UST: variants seen among roughly 807,000 people sequenced by gnomAD.
The protein encoded by UST is chondroitin sulfate 2-O-sulfotransferase.
A neutral mutation model predicts 45.6 loss-of-function variants in UST; 21 were observed. The observed-to-expected ratio is 0.46, with a 90% CI of 0.33 to 0.66. The LOEUF is 0.66. UST is among the 30% of genes least tolerant of loss of function. The pLI is 0.02. For synonymous variants in UST, 215 were observed against 200.6 expected (o/e 1.07, Z -0.61); for missense variants, 463 against 512.4 (o/e 0.90, Z 0.93).
intron 2 of UST, among the ~76,000 whole-genome samples, chr6:148,893,105 A>G (rs1779051236): frequency 6.6e-6 from 1 of 152,240 alleles, no homozygotes. Flanking sequence ...GGATGCTAAT[A>G]GTATATTGAG....
intron 1 of UST, among the ~76,000 whole-genome samples, chr6:148,784,048 C>A (rs192433848): frequency 1.4e-3 from 210 of 152,206 alleles, no homozygotes; most frequent in Non-Finnish European, 2.5e-3. Context: ...CTGTAATTTA[C>A]GGCATATCAC....
chr6:149,050,431 G>A lies in UST; in HGVS notation c.938-23402G>A, dbSNP rs367873981. 1.6e-4 allele frequency among the ~76,000 whole-genome samples: 24 copies of A among 152,292 alleles called. 1 individual carries two copies. The highest frequency in any genetic ancestry group is 2.8e-4 in the Non-Finnish European group (19 of 68,036). Reference sequence around the variant, plus strand: ...TGGCACCTAATAAAGTCTTCATGCTGTGATATCTTGAAGCCATTGATTTAT... The same window carrying A: ...TGGCACCTAATAAAGTCTTCATGCTATGATATCTTGAAGCCATTGATTTAT... On this transcript the variant is annotated intron_variant, in intron 7 of 7. Transcript: ENST00000367463.
At chr6:148,820,452 A>C (rs1294238517) in intron 1 of UST, among the ~76,000 whole-genome samples, 18 of 152,196 alleles carry the variant, frequency 1.2e-4, no homozygotes, top group Admixed American at 1.2e-3. Context: ...GTTTTCTAAA[A>C]GATTCAGAAT....
chr6:149,042,268 C>G (rs906109697), intron 7 of UST, among the ~76,000 whole-genome samples: 1 of 152,026 alleles, frequency 6.6e-6, no homozygotes, highest in Non-Finnish European at 1.5e-5. Context: ...TTTTAAAGAG[C>G]TTTTTTTGTA....
intron 7 of UST, among the ~76,000 whole-genome samples, chr6:149,060,094 C>T (rs547331320): frequency 7.4e-4 from 112 of 152,298 alleles, no homozygotes; most frequent in African/African-American, 2.5e-3. Flanking sequence ...AGGAACCTAG[C>T]GGTTTCTGCA....
intron 2 of UST, among the ~76,000 whole-genome samples, chr6:148,918,357 C>T (rs1338875305): frequency 2.0e-5 from 3 of 152,170 alleles, no homozygotes; most frequent in African/African-American, 4.8e-5. Flanking sequence ...CAAAATTAAT[C>T]GCTTTTCCCC....
chr6:149,023,739 T>C (rs1369589863), intron 7 of UST, among the ~76,000 whole-genome samples: 1 of 152,086 alleles, frequency 6.6e-6, no homozygotes, highest in Non-Finnish European at 1.5e-5. Flanking sequence ...TATTTTTATC[T>C]TCATGCTTTT....
At chr6:148,876,963 T>TGTGTGGGGGATCATGTATGA (rs1582870178) in intron 1 of UST, among the ~76,000 whole-genome samples, 4 of 92,182 alleles carry the variant, frequency 4.3e-5, no homozygotes, top group South Asian at 4.3e-4. Context: ...GCCCATGAAG[T>TGTGTGGGGGATCATGTATGA]GTGTGGGGGA....
intron 3 of UST, among the ~76,000 whole-genome samples, chr6:148,948,533 ATC>A (rs1487163074): frequency 6.6e-6 from 1 of 152,152 alleles, no homozygotes; most frequent in Non-Finnish European, 1.5e-5. Flanking sequence ...TCTTTTAGGT[ATC>A]TTTCATTACA....
intron 5 of UST, among the ~76,000 whole-genome samples, chr6:148,967,116 G>T (rs1253908304): frequency 1.3e-5 from 2 of 152,232 alleles, no homozygotes; most frequent in East Asian, 3.9e-4. Context: ...TTGAAGAGCT[G>T]GTAACTGCCT....
In UST at chr6:148,747,764, T is replaced by C. The variant is rs1047505061; in HGVS notation, c.247+87T>C. ...GGGTCGCGGCGGGGACTTCTCGCGC[T>C]GCCACCGCGCGCCGCCGCCGCCCCG... On this transcript the variant is annotated intron_variant, in intron 1 of 7. Coordinates refer to ENST00000367463, the MANE Select transcript of UST (RefSeq NM_005715.3). 3.8e-5 allele frequency: 54 copies of C among 1,429,216 alleles called. No individual in the cohort carries two copies. In the Admixed American group the frequency reaches 1.4e-3, roughly 38 times the overall value. The allele number at this position is 1,429,216 out of a possible 1,614,324, so 88.5% of individuals were successfully genotyped here.
intron 1 of UST, among the ~76,000 whole-genome samples, chr6:148,861,506 G>C (rs901540038): frequency 6.6e-6 from 1 of 152,076 alleles, no homozygotes; most frequent in Non-Finnish European, 1.5e-5. Flanking sequence ...CTTCGGTTCT[G>C]TTCTGATCTT....
chr6:149,005,194 C>A, intron 5 of UST: 1 of 604,008 alleles, frequency 1.7e-6, no homozygotes, highest in Non-Finnish European at 2.1e-6. Context: ...TTGGGTAGGG[C>A]AGGAGGTCTT....
intron 1 of UST, among the ~76,000 whole-genome samples, chr6:148,779,129 A>T (rs542518552): frequency 3.1e-4 from 46 of 146,236 alleles, no homozygotes; most frequent in African/African-American, 1.0e-3. Context: ...TTTTTTTTTC[A>T]ACCAGAAAGT....
At chr6:149,064,684 C>G (rs1213458756) in intron 7 of UST, among the ~76,000 whole-genome samples, 1 of 152,110 alleles carries the variant, frequency 6.6e-6, no homozygotes, top group African/African-American at 2.4e-5. Context: ...AAAGCAGAAG[C>G]ATAAAACTCG....
chr6:149,065,392 C>T (rs543711583), intron 7 of UST, among the ~76,000 whole-genome samples: 5 of 152,210 alleles, frequency 3.3e-5, no homozygotes, highest in African/African-American at 1.2e-4. Flanking sequence ...TCCATAGCAC[C>T]GATTATCGTA....
chr6:148,878,997 A>G (rs1778775463), intron 1 of UST, among the ~76,000 whole-genome samples: 1 of 152,098 alleles, frequency 6.6e-6, no homozygotes, highest in Non-Finnish European at 1.5e-5. Context: ...GAGGTTCAAC[A>G]GAACAATACA....
intron 2 of UST, among the ~76,000 whole-genome samples, chr6:148,898,682 A>G (rs1421773633): frequency 6.6e-6 from 1 of 152,248 alleles, no homozygotes; most frequent in African/African-American, 2.4e-5. Context: ...TATTAAGCAC[A>G]TCTTTCATTT....
chr6:148,891,589 T>C (rs990772024), intron 2 of UST, among the ~76,000 whole-genome samples: 7 of 151,570 alleles, frequency 4.6e-5, no homozygotes, highest in Admixed American at 6.6e-5. Context: ...TAAGTAAGCA[T>C]TGGACTTGGG....
Sources: gnomAD v4.1 joint callset for allele counts (sites outside exome capture counted in the v4.1 genomes callset) on GRCh38, gnomAD v4.1.1 for gene constraint, MANE v1.5 for transcripts, NCBI Gene and HGNC (gene_info 2026-07-23, HGNC 2026-07-21) for gene names.